TSHZ2: variants seen among roughly 807,000 people sequenced by gnomAD.
TSHZ2 encodes the protein teashirt homolog 2.
In TSHZ2, 21 loss-of-function variants were observed where a neutral mutation model predicts 74.4. The ratio of observed to expected loss-of-function variants is 0.28; its 90% CI spans 0.20 to 0.41. TSHZ2 has a LOEUF of 0.41. Among genes scored for constraint, TSHZ2 ranks in the 10% least tolerant of loss-of-function variants. TSHZ2 has a pLI of 1.00. For missense variants in TSHZ2, 1,244 were observed against 1,293.5 expected (o/e 0.96, Z 0.59); for synonymous variants, 540 against 515.3 (o/e 1.05, Z -0.65).
intron 1 of TSHZ2, among the ~76,000 whole-genome samples, chr20:53,184,458 T>G (rs1380268025): frequency 1.3e-5 from 2 of 152,218 alleles, no homozygotes; most frequent in African/African-American, 4.8e-5. Context: ...AAATAATCTT[T>G]TTTAAAATGA....
intron 2 of TSHZ2, among the ~76,000 whole-genome samples, chr20:53,412,353 G>A (rs1209735971): frequency 1.3e-5 from 2 of 152,280 alleles, no homozygotes; most frequent in East Asian, 1.9e-4. Context: ...CTGGTTCCCA[G>A]CCTGTGTGCT....
At chr20:53,225,052 G>A (rs1989653680) in intron 1 of TSHZ2, among the ~76,000 whole-genome samples, 1 of 152,128 alleles carries the variant, frequency 6.6e-6, no homozygotes, top group Non-Finnish European at 1.5e-5. Flanking sequence ...GCTCCACTCT[G>A]CCCTTGTAGC....
chr20:53,454,654 C>T (rs1027111457), intron 2 of TSHZ2, among the ~76,000 whole-genome samples: 3 of 152,104 alleles, frequency 2.0e-5, no homozygotes, highest in South Asian at 2.1e-4. Context: ...AGATGTCACT[C>T]CCTCAGAGAG....
chr20:53,254,988 A>G lies in TSHZ2; in HGVS notation c.1530A>G (p.Ser510=), dbSNP rs761078206. ...YLREEDLEDG[S]KGGGDILKSL... ...GGGAGGAAGACTTGGAAGATGGCTC[A>G]AAGGGTGGAGGGGACATTTTGAAAT... Residue 510 remains serine, a synonymous_variant, in exon 2 of 3, where the codon TCA becomes TCG. Transcript: ENST00000371497. The G allele has an allele frequency of 6.2e-7, 1 of 1,614,208 alleles. No homozygotes were observed. The highest frequency in any genetic ancestry group is 1.1e-5 in the South Asian group (1 of 91,070).
intron 1 of TSHZ2, among the ~76,000 whole-genome samples, chr20:52,981,736 C>A (rs1031755312): frequency 1.3e-5 from 2 of 152,170 alleles, no homozygotes; most frequent in South Asian, 2.1e-4. Context: ...AAAAGAGTTT[C>A]TTTCCCAAGA....
At chr20:53,035,739 C>G (rs1222012322) in intron 1 of TSHZ2, among the ~76,000 whole-genome samples, 2 of 152,130 alleles carry the variant, frequency 1.3e-5, no homozygotes, top group African/African-American at 2.4e-5. Context: ...ATCAAAGAAT[C>G]TCTATAAAAG....
rs185822217 is a variant in TSHZ2, at chr20:53,450,491, A to G, written c.*9-36653A>G. ...GTTTATGATTTCATAAGGCATTATC[A>G]CTAATTTTACTGTGAAGAAGACTCT... On this transcript the variant is annotated intron_variant, in intron 2 of 2. Coordinates refer to ENST00000371497, the MANE Select transcript of TSHZ2 (RefSeq NM_173485.6). 2.6e-5 allele frequency among the ~76,000 whole-genome samples: 4 copies of G among 152,298 alleles called. No individual in the cohort carries two copies. The East Asian group carries it at 7.7e-4, about 29-fold the overall frequency.
At chr20:53,209,096 G>A (rs983480224) in intron 1 of TSHZ2, among the ~76,000 whole-genome samples, 1 of 152,070 alleles carries the variant, frequency 6.6e-6, no homozygotes, top group African/African-American at 2.4e-5. Flanking sequence ...ATGCAAATAT[G>A]CACATTTTTT....
At chr20:53,385,803 G>A (rs567444860) in intron 2 of TSHZ2, among the ~76,000 whole-genome samples, 27 of 152,102 alleles carry the variant, frequency 1.8e-4, no homozygotes, top group Non-Finnish European at 3.1e-4. Flanking sequence ...CCTGCCTAAG[G>A]CAAGAAGGAG....
In TSHZ2 at chr20:53,008,980, C is replaced by CCTCTCT. The variant is rs55692015; in HGVS notation, c.40+35693_40+35698dup. Among the ~76,000 whole-genome samples, 1,079 of 130,360 alleles carry CCTCTCT rather than the reference C, an allele frequency of 8.3e-3. 24 individuals carry two copies. Among genetic ancestry groups the CCTCTCT allele is most frequent in the African/African-American group, 0.023 (729 of 31,770 alleles). The allele number at this position is 130,360 out of a possible 152,430, so 85.5% of individuals were successfully genotyped here. ...GAAGTTATTTGAATGTTGTCTTTCT[C>CCTCTCT]CTCTCTCTCTCTCTCTCTCTCTCTC... On this transcript the variant is annotated intron_variant, in intron 1 of 2. Transcript: ENST00000371497.
intron 1 of TSHZ2, among the ~76,000 whole-genome samples, chr20:53,208,920 G>A (rs1230651985): frequency 6.6e-6 from 1 of 152,152 alleles, no homozygotes; most frequent in African/African-American, 2.4e-5. Flanking sequence ...ATCCCAGAGA[G>A]CCTCTAGGTT....
chr20:53,353,886 G>A (rs1283901072), intron 2 of TSHZ2, among the ~76,000 whole-genome samples: 1 of 152,182 alleles, frequency 6.6e-6, no homozygotes, highest in Admixed American at 6.5e-5. Context: ...CCAAAGAGTA[G>A]GGGGATCAAC....
At chr20:53,246,036 C>CTTTTTTTTTTTTTTTTTTTTTTTTTT (rs201257665) in intron 1 of TSHZ2, among the ~76,000 whole-genome samples, 7 of 126,736 alleles carry the variant, frequency 5.5e-5, no homozygotes, top group African/African-American at 1.9e-4. Context: ...TTCTTTCTTT[C>CTTTTTTTTTTTTTTTTTTTTTTTTTT]TTTCTTTTTT....
Position 53,151,966 on chromosome 20 carries a change from T to G in TSHZ2, c.41-101533T>G, listed in dbSNP as rs540072328. Among the ~76,000 whole-genome samples, 17 of 152,310 alleles carry G rather than the reference T, an allele frequency of 1.1e-4. No individual in the cohort carries two copies. The South Asian group carries it at 1.9e-3, about 17-fold the overall frequency. On this transcript the variant is annotated intron_variant, in intron 1 of 2. Coordinates refer to ENST00000371497, the MANE Select transcript of TSHZ2 (RefSeq NM_173485.6). Reference sequence around the variant, plus strand: ...CTAAGCAATACAAGACGGTTGGAAGTAAATACAAAGATTCTCTTCTGTTTA... The same window carrying G: ...CTAAGCAATACAAGACGGTTGGAAGGAAATACAAAGATTCTCTTCTGTTTA...
At chr20:53,187,338 C>CCAT (rs1988624419) in intron 1 of TSHZ2, among the ~76,000 whole-genome samples, 2 of 152,132 alleles carry the variant, frequency 1.3e-5, no homozygotes, top group African/African-American at 4.8e-5. Context: ...CCCACCTGTG[C>CCAT]CATTTGTCAT....
In TSHZ2 at chr20:53,490,727, A is replaced by G. The variant is rs947541221; in HGVS notation, c.*3592A>G. The G allele has an allele frequency of 4.6e-5, 7 of 152,272 alleles. No individual in the cohort carries two copies. The highest frequency in any genetic ancestry group is 1.3e-4 in the Admixed American group (2 of 15,286). The allele number at this position is 152,272 out of a possible 1,614,324, so 9.4% of individuals were successfully genotyped here. A position where few individuals can be genotyped will look rare whatever the true frequency, so the allele number is the denominator to read the frequency against. ...AACTTAGTTGAGATGCAGAAAACAA[A>G]CAAATGCAATGACATATCTGAGAAG... On this transcript the variant is annotated 3_prime_UTR_variant, in exon 3 of 3. Coordinates refer to ENST00000371497, the MANE Select transcript of TSHZ2 (RefSeq NM_173485.6).
intron 1 of TSHZ2, among the ~76,000 whole-genome samples, chr20:53,062,218 C>G (rs1210313727): frequency 6.6e-6 from 1 of 152,164 alleles, no homozygotes; most frequent in African/African-American, 2.4e-5. Context: ...TTAATTGTGC[C>G]TTCCCTACAG....
chr20:53,069,986 T>C (rs1034469143), intron 1 of TSHZ2, among the ~76,000 whole-genome samples: 1 of 152,220 alleles, frequency 6.6e-6, no homozygotes, highest in Non-Finnish European at 1.5e-5. Context: ...ATTTATTTTT[T>C]AGTATGCACC....
intron 2 of TSHZ2, among the ~76,000 whole-genome samples, chr20:53,271,842 A>G (rs575994052): frequency 6.6e-6 from 1 of 152,326 alleles, no homozygotes; most frequent in East Asian, 1.9e-4. Flanking sequence ...GAGGAGGCTG[A>G]ACAGACAGGT....
Sources: gnomAD v4.1 joint callset for allele counts (sites outside exome capture counted in the v4.1 genomes callset) on GRCh38, gnomAD v4.1.1 for gene constraint, MANE v1.5 for transcripts, NCBI Gene and HGNC (gene_info 2026-07-23, HGNC 2026-07-21) for gene names.